The following AIRIM variants were observed in gnomAD, a reference collection of about 807,000 sequenced individuals.
AIRIM encodes the protein AFG2 interacting ribosome maturation factor.
At chr1:37,683,543 T>A in the AIRIM span, 396 of 1,334,472 alleles carry the variant, frequency 3.0e-4, 1 homozygote, top group Non-Finnish European at 3.7e-4. Context: ...AGTGCAGATA[T>A]CCTTACATTT....
At chr1:37,683,498 C>T in the AIRIM span, 1 of 1,569,496 alleles carries the variant, frequency 6.4e-7, no homozygotes, top group Admixed American at 1.8e-5. Context: ...AAAAAAAACA[C>T]CCTGGTGAGA....
At chr1:37,683,195 C>A in the AIRIM span, 9 of 1,604,394 alleles carry the variant, frequency 5.6e-6, no homozygotes, top group African/African-American at 1.3e-5. Flanking sequence ...GGCATTATCA[C>A]CTCTCCCGAG....
the AIRIM span, among the ~76,000 whole-genome samples, chr1:37,689,263 C>T: frequency 3.9e-5 from 6 of 152,194 alleles, no homozygotes; most frequent in Admixed American, 3.9e-4. Context: ...TATACATAAA[C>T]CCCTTAGCTC....
At chr1:37,686,592 A>AG in the AIRIM span, 2 of 803,028 alleles carry the variant, frequency 2.5e-6, no homozygotes, top group Non-Finnish European at 3.9e-6. Context: ...GACGTGTAGG[A>AG]GCATGCCTGG....
At chr1:37,690,165 C>T in the AIRIM span, 22 of 1,162,838 alleles carry the variant, frequency 1.9e-5, no homozygotes, top group Middle Eastern at 3.1e-4. Flanking sequence ...TACAGGTGCC[C>T]GCCAACACGC....
the AIRIM span, chr1:37,683,399 C>T: frequency 6.2e-7 from 1 of 1,613,984 alleles, no homozygotes; most frequent in Non-Finnish European, 8.5e-7. Context: ...CAAGTCTCCC[C>T]ACTGGATAGA....
At chr1:37,690,121 A>G in the AIRIM span, 1 of 1,254,138 alleles carries the variant, frequency 8.0e-7, no homozygotes, top group Non-Finnish European at 1.1e-6. Context: ...GGTTCAAGCA[A>G]TTCTCCTGCC....
the AIRIM span, chr1:37,683,027 T>C: frequency 7.6e-7 from 1 of 1,311,156 alleles, no homozygotes; most frequent in Middle Eastern, 1.9e-4. Context: ...TTCAAATATG[T>C]CAGACTGAAA....
At chr1:37,690,929 C>T in the AIRIM span, 2 of 152,630 alleles carry the variant, frequency 1.3e-5, no homozygotes, top group South Asian at 3.9e-4. Flanking sequence ...GGAGTTCGGG[C>T]TCACTGGGGA....
At chr1:37,688,673 T>C in the AIRIM span, among the ~76,000 whole-genome samples, 3 of 152,194 alleles carry the variant, frequency 2.0e-5, no homozygotes, top group African/African-American at 7.2e-5. Flanking sequence ...TATTAGTCTA[T>C]GACAGACTCT....
At chr1:37,689,119 CTT>C in the AIRIM span, among the ~76,000 whole-genome samples, 3 of 152,188 alleles carry the variant, frequency 2.0e-5, no homozygotes, top group Non-Finnish European at 4.4e-5. Context: ...GTCAGGCACA[CTT>C]GAGTTAGAAT....
the AIRIM span, among the ~76,000 whole-genome samples, chr1:37,685,532 C>A: frequency 6.6e-6 from 1 of 152,034 alleles, no homozygotes; most frequent in African/African-American, 2.4e-5. Context: ...AGACTTCAGG[C>A]ACATACCACC....
the AIRIM span, chr1:37,690,378 G>A: frequency 7.8e-7 from 1 of 1,289,854 alleles, no homozygotes; most frequent in South Asian, 1.2e-5. Flanking sequence ...TGGCGTCCAA[G>A]CGCCGTCTCT....
the AIRIM span, chr1:37,689,927 C>T: frequency 3.3e-6 from 5 of 1,500,336 alleles, no homozygotes; most frequent in South Asian, 5.3e-5. Context: ...GTTGGGGTGC[C>T]AAGTCAGTCG....
the AIRIM span, among the ~76,000 whole-genome samples, chr1:37,685,192 TGG>T: frequency 0.013 from 562 of 44,802 alleles, 18 homozygotes; most frequent in African/African-American, 0.048. Flanking sequence ...TGCTTTTTTT[TGG>T]GGGGGGGGGG....
the AIRIM span, chr1:37,690,411 C>T: frequency 5.5e-6 from 7 of 1,268,952 alleles, no homozygotes; most frequent in Non-Finnish European, 7.1e-6. Context: ...AGTCCTGTCT[C>T]CCCTGCCCGA....
the AIRIM span, chr1:37,683,876 C>T: frequency 8.1e-3 from 1,329 of 163,960 alleles, 6 homozygotes; most frequent in South Asian, 0.017. Context: ...TCAGCATGGA[C>T]GCCACATGGA....
the AIRIM span, among the ~76,000 whole-genome samples, chr1:37,689,055 A>G: frequency 6.6e-6 from 1 of 152,020 alleles, no homozygotes; most frequent in Non-Finnish European, 1.5e-5. Flanking sequence ...TCCTGGGCAC[A>G]GAGACACCAA....
chr1:37,690,815 C>T, the AIRIM span, among the ~76,000 whole-genome samples: 1 of 152,210 alleles, frequency 6.6e-6, no homozygotes, highest in Non-Finnish European at 1.5e-5. Context: ...CTTAATGACA[C>T]TTTTGACATT....
Sources: gnomAD v4.1 joint callset for allele counts (sites outside exome capture counted in the v4.1 genomes callset) on GRCh38, gnomAD v4.1.1 for gene constraint, MANE v1.5 for transcripts, NCBI Gene and HGNC (gene_info 2026-07-23, HGNC 2026-07-21) for gene names.